RBFOX1: variants seen among roughly 807,000 people sequenced by gnomAD.
RBFOX1 encodes RNA binding fox-1 homolog 1.
RBFOX1 carries 8 observed loss-of-function variants against 57.7 expected under a neutral mutation model. The ratio of observed to expected loss-of-function variants is 0.14; its 90% CI spans 0.08 to 0.25. RBFOX1 has a LOEUF of 0.25. RBFOX1 is among the 10% of genes least tolerant of loss of function. The probability of loss-of-function intolerance (pLI) is 1.00; values close to 1 mark genes in which losing one functional copy is unlikely to be tolerated. For synonymous variants in RBFOX1, 326 were observed against 222.4 expected (o/e 1.47, Z -4.15); for missense variants, 611 against 548.5 (o/e 1.11, Z -1.14).
intron 3 of RBFOX1, among the ~76,000 whole-genome samples, chr16:5,846,487 C>T (rs1336187478): frequency 6.6e-6 from 1 of 152,128 alleles, no homozygotes; most frequent in Non-Finnish European, 1.5e-5. Flanking sequence ...ATCTATTCCT[C>T]ACAACCCCCC....
intron 1 of RBFOX1, among the ~76,000 whole-genome samples, chr16:6,191,129 GTT>G (rs5815289): frequency 0.018 from 2,364 of 133,910 alleles, 64 homozygotes; most frequent in African/African-American, 0.055. Context: ...TGCGTCTGTG[GTT>G]TTTTTTTTTT....
chr16:6,438,724 T>G (rs1459672359), intron 2 of RBFOX1, among the ~76,000 whole-genome samples: 2 of 152,184 alleles, frequency 1.3e-5, no homozygotes, highest in African/African-American at 4.8e-5. Flanking sequence ...AGACATTTCC[T>G]GAGCCTGTAT....
intron 3 of RBFOX1, among the ~76,000 whole-genome samples, chr16:6,935,940 G>A (rs949966288): frequency 4.6e-5 from 7 of 152,156 alleles, no homozygotes; most frequent in African/African-American, 9.7e-5. Flanking sequence ...AATCTGTGCC[G>A]ATGTGTGAAT....
At chr16:6,386,533 T>A (rs895223144) in intron 2 of RBFOX1, among the ~76,000 whole-genome samples, 1 of 152,272 alleles carries the variant, frequency 6.6e-6, no homozygotes, top group East Asian at 1.9e-4. Flanking sequence ...CGAGCTTATA[T>A]TTGGTGGAAA....
At chr16:7,134,547 G>A (rs1238964951) in intron 4 of RBFOX1, among the ~76,000 whole-genome samples, 1 of 152,142 alleles carries the variant, frequency 6.6e-6, no homozygotes, top group East Asian at 1.9e-4. Flanking sequence ...TTCATTCACA[G>A]TTTCCAAATT....
At chr16:7,097,917 A>G (rs1163152328) in intron 4 of RBFOX1, among the ~76,000 whole-genome samples, 1 of 152,204 alleles carries the variant, frequency 6.6e-6, no homozygotes. Context: ...TGCTTTGTCT[A>G]GTAAAAGCAC....
chr16:6,002,323 G>A (rs1418652206), intron 4 of RBFOX1, among the ~76,000 whole-genome samples: 2 of 152,122 alleles, frequency 1.3e-5, no homozygotes, highest in Non-Finnish European at 2.9e-5. Context: ...AGATTAACAG[G>A]CTAATTTGCT....
chr16:6,915,127 G>A (rs1048719263), intron 3 of RBFOX1, among the ~76,000 whole-genome samples: 3 of 152,166 alleles, frequency 2.0e-5, no homozygotes, highest in African/African-American at 7.2e-5. Context: ...GCTAATCAGT[G>A]GCGGAGCCAT....
At chr16:6,873,190 C>G (rs1036929024) in intron 3 of RBFOX1, among the ~76,000 whole-genome samples, 1 of 150,188 alleles carries the variant, frequency 6.7e-6, no homozygotes, top group South Asian at 2.1e-4. Context: ...AAGGAATAAA[C>G]GAGGAGTAGA....
intron 3 of RBFOX1, among the ~76,000 whole-genome samples, chr16:7,039,833 G>A (rs2045614345): frequency 6.6e-6 from 1 of 152,092 alleles, no homozygotes; most frequent in Non-Finnish European, 1.5e-5. Context: ...GACCCTAGAA[G>A]CAGACGAGGC....
At chr16:7,685,359 C>G (rs535944980) in intron 14 of RBFOX1, among the ~76,000 whole-genome samples, 2 of 152,252 alleles carry the variant, frequency 1.3e-5, no homozygotes, top group Admixed American at 6.5e-5. Flanking sequence ...TCTTCCCTCT[C>G]CTGGCCCAGG....
intron 4 of RBFOX1, among the ~76,000 whole-genome samples, chr16:7,505,050 C>T (rs1302045243): frequency 6.6e-6 from 1 of 151,012 alleles, no homozygotes; most frequent in Non-Finnish European, 1.5e-5. Context: ...ATGGTTTTGA[C>T]CTTGCTCTCA....
At chr16:5,839,416 ACAGCCAC>A (rs2056557782) in intron 3 of RBFOX1, among the ~76,000 whole-genome samples, 1 of 152,156 alleles carries the variant, frequency 6.6e-6, no homozygotes, top group Admixed American at 6.5e-5. Context: ...AGCCCTCTCC[ACAGCCAC>A]TAAGTGTCCT....
rs186411695 is a variant in RBFOX1, at chr16:5,780,485, A to G, written c.319-86818A>G. The stretch of plus-strand genomic sequence containing the variant: ...ATGAATATGAGATAAAGATAAAATC[A>G]TAATATCACGTTGTATACCATAGAT... On this transcript the variant is annotated intron_variant, in intron 3 of 19. Transcript: ENST00000641259. Among the ~76,000 whole-genome samples the G allele has an allele frequency of 2.6e-5, 4 of 152,378 alleles. No individual in the cohort carries two copies. The East Asian group carries it at 7.7e-4, about 29-fold the overall frequency.
At chr16:6,432,845 G>GT (rs976416662) in intron 2 of RBFOX1, among the ~76,000 whole-genome samples, 6 of 152,098 alleles carry the variant, frequency 3.9e-5, no homozygotes, top group Non-Finnish European at 8.8e-5. Flanking sequence ...GGGCGTGGTG[G>GT]TGCATGCCTG....
chr16:6,485,122 T>C (rs1298411776), intron 2 of RBFOX1, among the ~76,000 whole-genome samples: 1 of 152,156 alleles, frequency 6.6e-6, no homozygotes, highest in Non-Finnish European at 1.5e-5. Context: ...GTTTGTTAAG[T>C]AAGTGAATGC....
chr16:7,014,495 C>T (rs1476306656), intron 3 of RBFOX1, among the ~76,000 whole-genome samples: 2 of 151,762 alleles, frequency 1.3e-5, no homozygotes, highest in African/African-American at 2.4e-5. Flanking sequence ...GATCCACTCT[C>T]CTCCCACAGT....
At chr16:7,610,000 T>C (rs2057118496) in intron 10 of RBFOX1, among the ~76,000 whole-genome samples, 1 of 150,656 alleles carries the variant, frequency 6.6e-6, no homozygotes, top group African/African-American at 2.4e-5. Flanking sequence ...GTATTTTTAG[T>C]GGAGATGGGG....
At chr16:5,874,880 A>C (rs923315520) in intron 4 of RBFOX1, among the ~76,000 whole-genome samples, 11 of 152,128 alleles carry the variant, frequency 7.2e-5, no homozygotes, top group African/African-American at 2.2e-4. Flanking sequence ...CAGGAGTTTG[A>C]GGCTGCAGTG....
Sources: allele counts gnomAD v4.1 joint callset (sites outside exome capture counted in the v4.1 genomes callset), GRCh38; gene constraint gnomAD v4.1.1; transcripts MANE v1.5; gene names NCBI Gene and HGNC (gene_info 2026-07-23, HGNC 2026-07-21).